The following ZNF831 variants were observed in gnomAD, a reference collection of about 807,000 sequenced individuals.
ZNF831 encodes the protein chromosome 20 open reading frame 174.
ZNF831 carries 59 observed loss-of-function variants against 95.8 expected under a neutral mutation model. The ratio of observed to expected loss-of-function variants is 0.62; its 90% CI spans 0.50 to 0.77. The LOEUF (loss-of-function observed/expected upper bound fraction) is 0.77, where lower values mean the gene tolerates loss of function less well. Ranked by LOEUF, ZNF831 falls within the 30% of genes least tolerant of loss-of-function variation. The pLI, the probability that ZNF831 is intolerant of heterozygous loss-of-function variation, is 0.00. For synonymous variants in ZNF831, 961 were observed against 925.5 expected (o/e 1.04, Z -0.70); for missense variants, 2,205 against 2,164.0 (o/e 1.02, Z -0.38).
intron 4 of ZNF831, among the ~76,000 whole-genome samples, chr20:59,222,339 T>A (rs891904808): frequency 7.2e-5 from 11 of 151,990 alleles, no homozygotes. Flanking sequence ...GAGACCCCCC[T>A]ACCCTGGTGG....
At chr20:59,143,526 C>T (rs1255238557) in intron 1 of ZNF831, among the ~76,000 whole-genome samples, 1 of 152,232 alleles carries the variant, frequency 6.6e-6, no homozygotes, top group African/African-American at 2.4e-5. Context: ...TCACTCCAGC[C>T]ATGGCAGGCC....
At chr20:59,245,538 G>A (rs1294478576) in intron 4 of ZNF831, among the ~76,000 whole-genome samples, 1 of 152,176 alleles carries the variant, frequency 6.6e-6, no homozygotes, top group Non-Finnish European at 1.5e-5. Context: ...TTGCAGTGTG[G>A]GATGTGTAGC....
At chr20:59,226,835 G>A (rs114853452) in intron 4 of ZNF831, among the ~76,000 whole-genome samples, 1,556 of 151,988 alleles carry the variant, frequency 0.01, 30 homozygotes, top group African/African-American at 0.036. Flanking sequence ...TTTTCAGAGC[G>A]TAGCATTTCA....
At chr20:59,154,361 G>T (rs1292247397) in intron 2 of ZNF831, among the ~76,000 whole-genome samples, 1 of 152,152 alleles carries the variant, frequency 6.6e-6, no homozygotes, top group Non-Finnish European at 1.5e-5. Flanking sequence ...GACCCAGGTG[G>T]TGCGGTCCCA....
intron 2 of ZNF831, among the ~76,000 whole-genome samples, chr20:59,152,986 T>C (rs1980331390): frequency 6.6e-6 from 1 of 152,156 alleles, no homozygotes; most frequent in Non-Finnish European, 1.5e-5. Flanking sequence ...AAGATCCCTC[T>C]GCTGGTGGTG....
intron 4 of ZNF831, among the ~76,000 whole-genome samples, chr20:59,212,345 G>A (rs1322995576): frequency 6.6e-6 from 1 of 152,190 alleles, no homozygotes; most frequent in South Asian, 2.1e-4. Flanking sequence ...GACCTACCGT[G>A]TAAGATTGTA....
At chr20:59,189,354 T>C (rs73309022) in intron 1 of ZNF831, among the ~76,000 whole-genome samples, 7,563 of 152,288 alleles carry the variant, frequency 0.05, 528 homozygotes, top group African/African-American at 0.15. Context: ...CATTATTTGA[T>C]TGTAAGTTTA....
At chr20:59,137,279 C>CTT (rs11469830) in intron 1 of ZNF831, among the ~76,000 whole-genome samples, 56 of 149,322 alleles carry the variant, frequency 3.8e-4, no homozygotes, top group African/African-American at 5.4e-4. Flanking sequence ...TCCAATACAT[C>CTT]TTTTTTTTTT....
At chr20:59,164,446 T>G (rs1981093482) in intron 1 of ZNF831, among the ~76,000 whole-genome samples, 1 of 152,236 alleles carries the variant, frequency 6.6e-6, no homozygotes, top group Non-Finnish European at 1.5e-5. Flanking sequence ...CCACAATCCA[T>G]GTTCTACTAA....
intron 1 of ZNF831, among the ~76,000 whole-genome samples, chr20:59,189,951 G>A (rs146886761): frequency 1.3e-3 from 199 of 152,330 alleles, no homozygotes; most frequent in African/African-American, 4.6e-3. Context: ...GTGGAAAAAG[G>A]ATCTGGGGAC....
At chr20:59,198,954 TC>T (rs1306063550) in intron 3 of ZNF831, among the ~76,000 whole-genome samples, 2 of 152,230 alleles carry the variant, frequency 1.3e-5, no homozygotes, top group African/African-American at 4.8e-5. Flanking sequence ...GGCATGGACG[TC>T]TTTGAGGGGA....
rs912774921 is a variant in ZNF831 at position 59,255,271 on chromosome 20, T to G, written c.*528T>G. On this transcript the variant is annotated 3_prime_UTR_variant, in exon 6 of 6. Coordinates refer to ENST00000371030, the MANE Select transcript of ZNF831 (RefSeq NM_178457.3). The stretch of plus-strand genomic sequence containing the variant: ...TGTGAACTGGGCACAAAGATACTTC[T>G]GTTCATTTTGGAGACAAAATTCAGA... 2 of 153,994 alleles carry G rather than the reference T, an allele frequency of 1.3e-5. No homozygotes were observed. Among genetic ancestry groups the G allele is most frequent in the Non-Finnish European group, 2.9e-5 (2 of 69,218 alleles). The allele number at this position is 153,994 out of a possible 1,614,324, so 9.5% of individuals were successfully genotyped here.
chr20:59,148,886 C>A (rs997630237), intron 2 of ZNF831, among the ~76,000 whole-genome samples: 1 of 151,966 alleles, frequency 6.6e-6, no homozygotes, highest in African/African-American at 2.4e-5. Context: ...AACACCCCTG[C>A]ACCTTGGACA....
chr20:59,252,949 C>G, intron 4 of ZNF831, 29 bp from the exon 5 acceptor site: 1 of 1,605,562 alleles, frequency 6.2e-7, no homozygotes, highest in Non-Finnish European at 8.5e-7. Context: ...TAATTCCAGT[C>G]ATATGTAAAT....
chr20:59,228,633 GGA>G (rs1267064983), intron 4 of ZNF831, among the ~76,000 whole-genome samples: 3 of 152,054 alleles, frequency 2.0e-5, no homozygotes, highest in Non-Finnish European at 2.9e-5. Flanking sequence ...GACAGAGAGA[GGA>G]GAGAGAGAGG....
Position 59,254,102 on chromosome 20 carries a change from A to G in ZNF831, c.4393A>G (p.Ile1465Val), listed in dbSNP as rs368617879. The G allele has an allele frequency of 5.0e-6, 8 of 1,613,790 alleles. No individual in the cohort carries two copies. The African/African-American group carries it at 6.7e-5, about 13-fold the overall frequency. ...DSVSTDPKPYIFSDAQRPSSF... is the reference protein window; with the variant it reads ...DSVSTDPKPYVFSDAQRPSSF... ...AGTCTCAACAGATCCCAAACCATAC[A>G]TCTTCTCAGATGCTCAAAGGCCTTC... Residue 1465 changes from isoleucine to valine, a missense_variant, in exon 6 of 6, where the codon ATC becomes GTC. Ile to Val is a conservative substitution (Grantham distance 29). Transcript: ENST00000371030. The surrounding 1 kb of genome is among the most constrained non-coding windows in gnomAD (Gnocchi z 4.5).
chr20:59,139,726 A>G (rs974235383), intron 1 of ZNF831, among the ~76,000 whole-genome samples: 3 of 152,076 alleles, frequency 2.0e-5, no homozygotes, highest in African/African-American at 4.8e-5. Context: ...AAGCAGAAAA[A>G]CTGTATATAA....
intron 1 of ZNF831, among the ~76,000 whole-genome samples, chr20:59,180,232 C>T (rs528375679): frequency 6.6e-5 from 10 of 152,214 alleles, no homozygotes; most frequent in Admixed American, 4.6e-4. Flanking sequence ...GGACCACAGG[C>T]GTGTACCACC....
At chr20:59,202,350 A>C (rs1031841800) in intron 3 of ZNF831, among the ~76,000 whole-genome samples, 6 of 142,548 alleles carry the variant, frequency 4.2e-5, no homozygotes, top group African/African-American at 7.9e-5. Flanking sequence ...AAAAAAAAAA[A>C]CACATCTAAT....
Sources: allele counts gnomAD v4.1 joint callset (sites outside exome capture counted in the v4.1 genomes callset), GRCh38; gene constraint gnomAD v4.1.1; non-coding constraint Gnocchi (gnomAD v3.1); transcripts MANE v1.5; gene names NCBI Gene and HGNC (gene_info 2026-07-23, HGNC 2026-07-21).